PRKCD: variants seen among roughly 807,000 people sequenced by gnomAD.
PRKCD encodes protein kinase C delta type.
A neutral mutation model predicts 82.2 loss-of-function variants in PRKCD; 20 were observed. The observed-to-expected ratio is 0.24, with a 90% CI of 0.17 to 0.35. The LOEUF (loss-of-function observed/expected upper bound fraction) is 0.35, where lower values mean the gene tolerates loss of function less well. PRKCD is among the 10% of genes least tolerant of loss of function. PRKCD has a pLI of 1.00. For missense variants in PRKCD, 607 were observed against 899.0 expected (o/e 0.68, Z 4.15); for synonymous variants, 317 against 337.0 (o/e 0.94, Z 0.65).
chr3:53,173,061 T>C (rs1276826872), intron 2 of PRKCD, among the ~76,000 whole-genome samples: 1 of 152,236 alleles, frequency 6.6e-6, no homozygotes, highest in Admixed American at 6.5e-5. Context: ...GTTGGGGTTT[T>C]TCACCTTTGA....
chr3:53,182,213 A>G (rs1553667843), intron 7 of PRKCD, among the ~76,000 whole-genome samples: 1 of 151,856 alleles, frequency 6.6e-6, no homozygotes, highest in Admixed American at 6.6e-5. Context: ...ACCACTTCCT[A>G]GCTATAGGGC....
At chr3:53,164,585 T>TAA (rs76327629) in intron 1 of PRKCD, among the ~76,000 whole-genome samples, 1 of 141,628 alleles carries the variant, frequency 7.1e-6, no homozygotes, top group South Asian at 2.3e-4. Context: ...CCTGCCACAT[T>TAA]AAAAAAAAAA....
At position 53,176,677 on chromosome 3, in the gene PRKCD, T is replaced by C. The variant is rs1703224074; in HGVS notation, c.-19-1727T>C. On this transcript the variant is annotated intron_variant, in intron 2 of 18. Transcript: ENST00000330452. ...TGCACACCTGTGTGTCCTTCACAAG[T>C]GGCAACCTGAGGAGCCCCTTGGAGT... 2.6e-5 allele frequency among the ~76,000 whole-genome samples: 4 copies of C among 152,236 alleles called. No individual in the cohort carries two copies. In the South Asian group the frequency reaches 8.3e-4, roughly 32 times the overall value.
chr3:53,169,796 C>T lies in PRKCD; in HGVS notation c.-20+4581C>T, dbSNP rs1020765829. On this transcript the variant is annotated intron_variant, in intron 2 of 18. Transcript: ENST00000330452. The surrounding 1 kb of genome is among the most constrained non-coding windows in gnomAD (Gnocchi z 4.7). The stretch of plus-strand genomic sequence containing the variant: ...CCTCAGGCCAGAACAGGGCACCCTG[C>T]GGCTGGGGGGCTTAACAGAGCCTCT... Among the ~76,000 whole-genome samples the T allele has an allele frequency of 8.5e-5, 13 of 152,188 alleles. No individual in the cohort carries two copies. The highest frequency in any genetic ancestry group is 4.1e-4 in the South Asian group (2 of 4,834).
intron 16 of PRKCD, 21 bp downstream of exon 16, chr3:53,188,879 C>G: frequency 6.2e-7 from 1 of 1,612,738 alleles, no homozygotes; most frequent in Non-Finnish European, 8.5e-7. Flanking sequence ...ACCCTTCCAG[C>G]CCCCCGCTCA....
intron 14 of PRKCD, among the ~76,000 whole-genome samples, 167 bp from the exon 15 acceptor site, chr3:53,187,173 C>A (rs1214438462): frequency 6.6e-6 from 1 of 151,256 alleles, no homozygotes; most frequent in Non-Finnish European, 1.5e-5. Context: ...TCTGCCTGGG[C>A]TGCCAGCCCC....
Position 53,178,512 on chromosome 3 carries a change from G to C in PRKCD, c.90G>C (p.Val30=), listed in dbSNP as rs1437451277. 3.1e-6 allele frequency: 5 copies of C among 1,613,210 alleles called. No homozygotes were observed. Among genetic ancestry groups the C allele is most frequent in the Non-Finnish European group, 4.2e-6 (5 of 1,179,840 alleles). ...AGGCGAACCAGCCCTTCTGTGCCGT[G>C]AAGATGAAGGAGGCGCTCAGCACAG... ...EDEANQPFCA[V]KMKEALSTER... Residue 30 remains valine, a synonymous_variant, in exon 3 of 19, where the codon GTG becomes GTC. Coordinates refer to ENST00000330452, the MANE Select transcript of PRKCD (RefSeq NM_006254.4).
rs1250350566 is a variant in PRKCD at position 53,161,447 on chromosome 3, C to A, written c.-132+19C>A. The stretch of plus-strand genomic sequence containing the variant: ...ACGGGAGGTAAGTGAGGGCCGGGTC[C>A]GGGCGCGGGATCGGGGCTACCCCGA... On this transcript the variant is annotated intron_variant, in intron 1 of 18. Transcript: ENST00000330452. The A allele has an allele frequency of 1.3e-5, 2 of 151,872 alleles. No individual in the cohort carries two copies. Among genetic ancestry groups the A allele is most frequent in the Non-Finnish European group, 2.9e-5 (2 of 67,910 alleles). The allele number at this position is 151,872 out of a possible 1,614,324, so 9.4% of individuals were successfully genotyped here.
At chr3:53,184,803 G>C in intron 9 of PRKCD, 71 bp from the exon 10 acceptor site, 1 of 1,320,418 alleles carries the variant, frequency 7.6e-7, no homozygotes, top group Non-Finnish European at 1.1e-6. Flanking sequence ...GCTCTCCTGC[G>C]CCTCTCCTAC....
intron 2 of PRKCD, among the ~76,000 whole-genome samples, chr3:53,165,998 G>A (rs1553663796): frequency 1.3e-5 from 2 of 152,334 alleles, no homozygotes; most frequent in Non-Finnish European, 1.5e-5. Flanking sequence ...GTGGGTATGG[G>A]TGCTAATGAA....
chr3:53,185,477 C>T, intron 10 of PRKCD, 127 bp from the exon 11 acceptor site: 4 of 773,486 alleles, frequency 5.2e-6, no homozygotes, highest in South Asian at 4.9e-5. Context: ...AGTAGGGGGC[C>T]TGGGCTGTGC....
Position 53,179,593 on chromosome 3 carries a change from G to C in PRKCD, c.132G>C (p.Leu44=). 1 of 1,614,214 alleles carries C rather than the reference G, an allele frequency of 6.2e-7. No individual in the cohort carries two copies. Among genetic ancestry groups the C allele is most frequent in the Non-Finnish European group, 8.5e-7 (1 of 1,180,034 alleles). The part of the protein sequence containing the change: ...EALSTERGKT[L]VQKKPTMYPE... ...TTGTTGCAGAGCGTGGGAAAACACT[G>C]GTGCAGAAGAAGCCGACCATGTATC... The change falls in exon 4 of 19, where the codon CTG becomes CTC. Residue 44 remains leucine (L), a synonymous_variant. Coordinates refer to ENST00000330452, the MANE Select transcript of PRKCD (RefSeq NM_006254.4).
chr3:53,185,518 G>T, intron 10 of PRKCD, 86 bp from the exon 11 acceptor site: 1 of 1,118,482 alleles, frequency 8.9e-7, no homozygotes, highest in Non-Finnish European at 1.3e-6. Flanking sequence ...GTTAAGGGTG[G>T]AGTTATACCT....
At chr3:53,187,690 C>T (rs1329551379) in intron 15 of PRKCD, among the ~76,000 whole-genome samples, 7 of 152,162 alleles carry the variant, frequency 4.6e-5, no homozygotes, top group Admixed American at 1.3e-4. Flanking sequence ...ATCGAGTCAT[C>T]TAAGCTTCTG....
At chr3:53,172,078 C>G (rs909677934) in intron 2 of PRKCD, among the ~76,000 whole-genome samples, 2 of 151,974 alleles carry the variant, frequency 1.3e-5, no homozygotes, top group Non-Finnish European at 2.9e-5. Flanking sequence ...GTATGGGGAG[C>G]ATCCCTGCTC....
At chr3:53,171,473 C>A (rs530472025) in intron 2 of PRKCD, among the ~76,000 whole-genome samples, 8 of 152,244 alleles carry the variant, frequency 5.3e-5, no homozygotes, top group African/African-American at 1.9e-4. Context: ...GTCCCTGCAG[C>A]CTCCGTTCTC....
chr3:53,185,957 A>T lies in PRKCD; in HGVS notation c.1016A>T (p.Glu339Val). 6.2e-7 allele frequency: 1 copy of T among 1,614,184 alleles called. No individual in the cohort carries two copies. The highest frequency in any genetic ancestry group is 8.5e-7 in the Non-Finnish European group (1 of 1,180,026). The change falls in exon 12 of 19, where the codon GAG becomes GTG. Residue 339 changes from glutamate to valine, a missense_variant. Transcript: ENST00000330452. ...AGTGGGACCTACGGCAAGATCTGGG[A>T]GGGCAGCAGCAAGTGCAACATCAAC... ...DNSGTYGKIW[E>V]GSSKCNINNF...
rs782483971 is a variant in PRKCD at position 53,185,973 on chromosome 3, C to T, written c.1032C>T (p.Cys344=). The part of the protein sequence containing the change: ...YGKIWEGSSK[C]NINNFIFHKV... ...AGATCTGGGAGGGCAGCAGCAAGTG[C>T]AACATCAACAACTTCATCTTCCACA... is the stretch of plus-strand genomic sequence containing the variant. Residue 344 remains cysteine (C), a synonymous_variant, in exon 12 of 19, where the codon TGC becomes TGT. Coordinates refer to ENST00000330452, the MANE Select transcript of PRKCD (RefSeq NM_006254.4). 1 of 1,614,132 alleles carries T rather than the reference C, an allele frequency of 6.2e-7. No homozygotes were observed. The highest frequency in any genetic ancestry group is 8.5e-7 in the Non-Finnish European group (1 of 1,180,054).
At chr3:53,179,120 G>T (rs1703325999) in intron 3 of PRKCD, among the ~76,000 whole-genome samples, 1 of 152,204 alleles carries the variant, frequency 6.6e-6, no homozygotes, top group Non-Finnish European at 1.5e-5. Flanking sequence ...TGACCCTGTA[G>T]CACTACCAGC....
Sources: gnomAD v4.1 joint callset for allele counts (sites outside exome capture counted in the v4.1 genomes callset) on GRCh38, gnomAD v4.1.1 for gene constraint, Gnocchi (gnomAD v3.1) non-coding constraint, MANE v1.5 for transcripts, NCBI Gene and HGNC (gene_info 2026-07-23, HGNC 2026-07-21) for gene names.